NELL2: variants seen among roughly 807,000 people sequenced by gnomAD.
The protein encoded by NELL2 is neural EGFL like 2, also known as protein kinase C-binding protein NELL2.
In NELL2, 41 loss-of-function variants were observed where a neutral mutation model predicts 109.6. The ratio of observed to expected loss-of-function variants is 0.37; its 90% CI spans 0.29 to 0.49. The LOEUF (loss-of-function observed/expected upper bound fraction) is 0.49, where lower values mean the gene tolerates loss of function less well. NELL2 is among the 20% of genes least tolerant of loss of function. The pLI, the probability that NELL2 is intolerant of heterozygous loss-of-function variation, is 0.98. For missense variants in NELL2, 900 were observed against 1,008.3 expected, an observed-to-expected ratio of 0.89 and a Z score of 1.45; for synonymous variants, 355 against 344.7, an observed-to-expected ratio of 1.03 and a Z score of -0.33.
chr12:44,876,417 A>T, upstream of NELL2: 3 of 1,273,120 alleles, frequency 2.4e-6, no homozygotes, highest in Non-Finnish European at 3.0e-6. Context: ...GCCGAGGGCG[A>T]GGCCGGCGCT....
intron 15 of NELL2, among the ~76,000 whole-genome samples, chr12:44,596,946 C>T (rs1156929095): frequency 2.6e-5 from 4 of 152,146 alleles, no homozygotes; most frequent in African/African-American, 7.2e-5. Context: ...TTTGAAGCAG[C>T]TACTGTTCCA....
chr12:44,539,552 T>C (rs916208965), intron 15 of NELL2, among the ~76,000 whole-genome samples: 2 of 152,160 alleles, frequency 1.3e-5, no homozygotes, highest in Non-Finnish European at 2.9e-5. Flanking sequence ...AAATGTTTTA[T>C]TACTTTATCT....
rs374221482 is a variant in NELL2, at chr12:44,906,086, CAA to C, written c.38+7711_38+7712del. Among the ~76,000 whole-genome samples, 259 of 151,988 alleles carry C rather than the reference CAA, an allele frequency of 1.7e-3. 1 individual carries two copies. The highest frequency in any genetic ancestry group is 5.8e-3 in the African/African-American group (239 of 41,460). On this transcript the variant is annotated intron_variant, in intron 1 of 20. Coordinates refer to the NELL2 transcript ENST00000333837. ...AATAGGGTGTTTAGTAATGGTCTCA[CAA>C]AGATTGGCATTAAAATCAAGACCTG...
chr12:44,621,315 A>T (rs1229169174), intron 13 of NELL2, among the ~76,000 whole-genome samples: 1 of 152,118 alleles, frequency 6.6e-6, no homozygotes, highest in Non-Finnish European at 1.5e-5. Context: ...TCATTTTGTT[A>T]TAACATTTGA....
chr12:44,903,268 G>C (rs958925309), intron 1 of NELL2, among the ~76,000 whole-genome samples: 1 of 152,162 alleles, frequency 6.6e-6, no homozygotes, highest in African/African-American at 2.4e-5. Flanking sequence ...CATTTATGTG[G>C]CCAACAAACA....
intron 3 of NELL2, among the ~76,000 whole-genome samples, chr12:44,790,845 A>C (rs896029380): frequency 1.3e-5 from 2 of 151,550 alleles, no homozygotes; most frequent in Non-Finnish European, 2.9e-5. Flanking sequence ...ATGGACACAA[A>C]AAGCCAGCAA....
intron 3 of NELL2, among the ~76,000 whole-genome samples, chr12:44,798,106 T>C (rs1181583846): frequency 7.2e-6 from 1 of 138,296 alleles, no homozygotes; most frequent in African/African-American, 2.5e-5. Context: ...GATGGAATGA[T>C]GGAATAAAAT....
At chr12:44,876,715 G>A (rs1242119359), upstream of NELL2, 2 of 1,547,756 alleles carry the variant, frequency 1.3e-6, no homozygotes, top group Admixed American at 3.9e-5. Context: ...AAGCAAAGGA[G>A]GGAAGCCCAT....
At chr12:44,873,379 T>A (rs1326135441) in intron 2 of NELL2, among the ~76,000 whole-genome samples, 3 of 152,112 alleles carry the variant, frequency 2.0e-5, no homozygotes, top group Non-Finnish European at 4.4e-5. Context: ...CCTTGAAGAA[T>A]TTGACAATTT....
At chr12:44,835,523 G>A (rs1354283548) in intron 2 of NELL2, among the ~76,000 whole-genome samples, 3 of 152,186 alleles carry the variant, frequency 2.0e-5, no homozygotes, top group Admixed American at 6.5e-5. Context: ...GGCTGCAGCC[G>A]CTCAGGGCCA....
chr12:44,854,422 A>C (rs1944617117), intron 2 of NELL2, among the ~76,000 whole-genome samples: 1 of 152,208 alleles, frequency 6.6e-6, no homozygotes, highest in Non-Finnish European at 1.5e-5. Flanking sequence ...ACTGTTTTGA[A>C]CATAGTGTTA....
At chr12:44,615,174 T>C (rs1437557351) in intron 13 of NELL2, among the ~76,000 whole-genome samples, 3 of 152,046 alleles carry the variant, frequency 2.0e-5, no homozygotes, top group Admixed American at 1.3e-4. Context: ...GAGGATCTGG[T>C]TGGATCAGGT....
At chr12:44,680,763 C>A (rs951162350) in intron 12 of NELL2, among the ~76,000 whole-genome samples, 1 of 152,140 alleles carries the variant, frequency 6.6e-6, no homozygotes, top group Non-Finnish European at 1.5e-5. Context: ...TCTCCCTGTT[C>A]TCTCTCACAT....
intron 2 of NELL2, among the ~76,000 whole-genome samples, chr12:44,860,892 C>G (rs752157168): frequency 6.6e-6 from 1 of 152,168 alleles, no homozygotes; most frequent in Admixed American, 6.5e-5. Context: ...AAAAGTCCCC[C>G]AAATTTCCAG....
At chr12:44,534,266 G>T (rs568982182) in intron 15 of NELL2, among the ~76,000 whole-genome samples, 1 of 152,224 alleles carries the variant, frequency 6.6e-6, no homozygotes, top group East Asian at 1.9e-4. Flanking sequence ...GATAGGTCAA[G>T]TGTCCCTTCA....
intron 3 of NELL2, among the ~76,000 whole-genome samples, chr12:44,791,939 C>A (rs1942450890): frequency 7.0e-6 from 1 of 143,820 alleles, no homozygotes; most frequent in African/African-American, 2.6e-5. Context: ...ATAGGGATTC[C>A]CTAGGGAATT....
At chr12:44,536,486 T>C (rs1285163644) in intron 15 of NELL2, among the ~76,000 whole-genome samples, 1 of 152,034 alleles carries the variant, frequency 6.6e-6, no homozygotes, top group African/African-American at 2.4e-5. Flanking sequence ...CTGAGTCAGA[T>C]ACACAGAAAA....
At chr12:44,716,604 G>T (rs569310503) in intron 9 of NELL2, among the ~76,000 whole-genome samples, 1 of 151,902 alleles carries the variant, frequency 6.6e-6, no homozygotes, top group Non-Finnish European at 1.5e-5. Context: ...AACATACCAA[G>T]ACCTAGCATA....
At chr12:44,684,080 T>C (rs1323666197) in intron 12 of NELL2, among the ~76,000 whole-genome samples, 1 of 152,234 alleles carries the variant, frequency 6.6e-6, no homozygotes, top group Non-Finnish European at 1.5e-5. Flanking sequence ...CTATTGATTA[T>C]TGCCACAATT....
Sources: allele counts gnomAD v4.1 joint callset (sites outside exome capture counted in the v4.1 genomes callset), GRCh38; gene constraint gnomAD v4.1.1; transcripts MANE v1.5; gene names NCBI Gene and HGNC (gene_info 2026-07-23, HGNC 2026-07-21).